Variants in TMEM9B observed in about 807,000 individuals in gnomAD.
TMEM9B encodes the protein TMEM9 domain family member B, also known as transmembrane protein 9B.
TMEM9B carries 8 observed loss-of-function variants against 23.5 expected under a neutral mutation model. The ratio of observed to expected loss-of-function variants is 0.34; its 90% CI spans 0.20 to 0.61. TMEM9B has a LOEUF of 0.61. TMEM9B is among the 20% of genes least tolerant of loss of function. The probability of loss-of-function intolerance (pLI) is 0.78; values close to 1 mark genes in which losing one functional copy is unlikely to be tolerated. For missense variants in TMEM9B, 197 were observed against 252.3 expected, an observed-to-expected ratio of 0.78 and a Z score of 1.49; for synonymous variants, 106 against 96.3, an observed-to-expected ratio of 1.10 and a Z score of -0.59.
intron 1 of TMEM9B, 45 bp downstream of exon 1, chr11:8,964,164 G>C: frequency 6.5e-7 from 1 of 1,538,680 alleles, no homozygotes; most frequent in Non-Finnish European, 8.8e-7. Context: ...AAGGCCGGTG[G>C]TAGGGGAGGA....
intron 1 of TMEM9B, among the ~76,000 whole-genome samples, chr11:8,963,393 TCCC>T (rs1854115126): frequency 1.3e-5 from 2 of 152,184 alleles, no homozygotes; most frequent in Admixed American, 6.5e-5. Flanking sequence ...CCTTCTGTTC[TCCC>T]CCAATGATGA....
chr11:8,955,339 G>A (rs60600376), intron 3 of TMEM9B, among the ~76,000 whole-genome samples: 2 of 152,206 alleles, frequency 1.3e-5, no homozygotes, highest in African/African-American at 2.4e-5. Flanking sequence ...AGGGGTGGTA[G>A]GGGATGGTTT....
chr11:8,948,423 C>A lies in TMEM9B; in HGVS notation c.494G>T (p.Arg165Leu). 6.2e-7 allele frequency: 1 copy of A among 1,614,188 alleles called. No homozygotes were observed. Among genetic ancestry groups the A allele is most frequent in the Non-Finnish European group, 8.5e-7 (1 of 1,180,028 alleles). Reference protein sequence around the residue: ...AHDVLARSRSRANVLNKVEYA... With the variant: ...AHDVLARSRSLANVLNKVEYA... ...TTCTACCTTGTTCAGCACGTTGGCT[C>A]GACTGCGGGAGCGGGCTAGCACATC... The change falls in exon 5 of 5, where the codon CGA becomes CTA. Residue 165 changes from arginine to leucine, a missense_variant. Around this residue, in one of 2 missense-constraint regions of TMEM9B, gnomAD observed 141 missense variants for 214.1 expected, o/e 0.66. Coordinates refer to ENST00000534025, the MANE Select transcript of TMEM9B (RefSeq NM_020644.3).
At chr11:8,964,631 T>C, upstream of TMEM9B, 1 of 415,392 alleles carries the variant, frequency 2.4e-6, no homozygotes, top group East Asian at 6.0e-5. Flanking sequence ...ATCTCTTGGA[T>C]ATCTTTCCCG....
At chr11:8,956,332 C>A in intron 2 of TMEM9B, 34 bp from the exon 3 acceptor site, 1 of 1,587,922 alleles carries the variant, frequency 6.3e-7, no homozygotes. Context: ...TGCTTAAGCC[C>A]AGCTAGCTCT....
upstream of TMEM9B, chr11:8,964,564 G>C (rs558927868): frequency 8.8e-7 from 1 of 1,132,882 alleles, no homozygotes; most frequent in South Asian, 2.0e-5. Context: ...GCCTAGCCCC[G>C]GCCCCGGGAC....
chr11:8,964,278 G>A lies in TMEM9B; in HGVS notation c.36C>T (p.Gly12=). 3 of 1,594,694 alleles carry A rather than the reference G, an allele frequency of 1.9e-6. No homozygotes were observed. Among genetic ancestry groups the A allele is most frequent in the South Asian group, 1.1e-5 (1 of 88,086 alleles). Residue 12 remains glycine, a synonymous_variant, in exon 1 of 5, where the codon GGC becomes GGT. Coordinates refer to ENST00000534025, the MANE Select transcript of TMEM9B (RefSeq NM_020644.3). ...ATLWGGLLRL[G]SLLSLSCLAL... is the part of the protein sequence containing the mutation. ...CCAGGCACGACAGGCTGAGCAAGGA[G>A]CCAAGCCGAAGAAGGCCTCCCCACA...
At chr11:8,956,492 G>A (rs1589946602) in intron 2 of TMEM9B, among the ~76,000 whole-genome samples, 194 bp from the exon 3 acceptor site, 2 of 152,144 alleles carry the variant, frequency 1.3e-5, no homozygotes, top group East Asian at 1.9e-4. Flanking sequence ...AACCATTTAA[G>A]AAGCCACAAA....
intron 1 of TMEM9B, chr11:8,963,944 G>T (rs1339787017): frequency 2.0e-6 from 1 of 496,522 alleles, no homozygotes; most frequent in Middle Eastern, 5.2e-4. Flanking sequence ...TTAAGGCGGT[G>T]GGGGGCTGCT....
chr11:8,963,465 T>C (rs1476072414), intron 1 of TMEM9B, among the ~76,000 whole-genome samples: 3 of 152,310 alleles, frequency 2.0e-5, no homozygotes, highest in Middle Eastern at 3.4e-3. Context: ...TCTGGAGAGC[T>C]GGGGCACCAG....
intron 3 of TMEM9B, among the ~76,000 whole-genome samples, chr11:8,955,204 G>A (rs1853952443): frequency 1.3e-5 from 2 of 150,688 alleles, no homozygotes; most frequent in Admixed American, 1.3e-4. Context: ...TAAAGTAACT[G>A]AACTCATTAG....
At chr11:8,961,175 G>A (rs1273844986) in intron 2 of TMEM9B, among the ~76,000 whole-genome samples, 1 of 152,050 alleles carries the variant, frequency 6.6e-6, no homozygotes, top group Non-Finnish European at 1.5e-5. Flanking sequence ...TGGCATCAGA[G>A]AAACTAAACA....
In TMEM9B at chr11:8,947,397, A is replaced by C. The variant is rs1284267375; in HGVS notation, c.*923T>G. 6.6e-6 allele frequency: 1 copy of C among 152,582 alleles called. No homozygotes were observed. The highest frequency in any genetic ancestry group is 2.4e-5 in the African/African-American group (1 of 41,414). 9.5% of individuals were successfully genotyped at this position (152,582 alleles called of 1,614,324 possible). On this transcript the variant is annotated 3_prime_UTR_variant, in exon 5 of 5. Coordinates refer to ENST00000534025, the MANE Select transcript of TMEM9B (RefSeq NM_020644.3). The stretch of plus-strand genomic sequence containing the variant: ...AGACCTTTCAGAAGAGGCACCCACA[A>C]CCCCAGCCCTAGTTCAAAGCTGCAC...
At chr11:8,958,865 C>T (rs556753660) in intron 2 of TMEM9B, among the ~76,000 whole-genome samples, 2 of 152,258 alleles carry the variant, frequency 1.3e-5, no homozygotes, top group African/African-American at 4.8e-5. Context: ...GTCACCGCAC[C>T]CGGCCCAGGT....
chr11:8,961,384 A>T (rs1399763844), intron 2 of TMEM9B, among the ~76,000 whole-genome samples: 1 of 152,214 alleles, frequency 6.6e-6, no homozygotes, highest in African/African-American at 2.4e-5. Flanking sequence ...ATAAAACATC[A>T]CAATTCTATG....
In TMEM9B at chr11:8,948,484, C is replaced by G. The variant is rs1411672455; in HGVS notation, c.442-9G>C. The G allele has an allele frequency of 6.2e-7, 1 of 1,612,990 alleles. No homozygotes were observed. The highest frequency in any genetic ancestry group is 8.5e-7 in the Non-Finnish European group (1 of 1,179,480). On this transcript the variant is annotated splice_polypyrimidine_tract_variant and intron_variant, in intron 4 of 4. Transcript: ENST00000534025. ...GCAAAAGGCTGGTGATCCTAAAAGT[C>G]CAGGAATGGAGAACATTAGAGATGG...
chr11:8,963,614 G>A (rs1854119588), intron 1 of TMEM9B, among the ~76,000 whole-genome samples: 1 of 152,220 alleles, frequency 6.6e-6, no homozygotes, highest in Non-Finnish European at 1.5e-5. Flanking sequence ...AGGGACTCGT[G>A]GAGGGAGTTA....
chr11:8,950,223 A>G (rs1853850447), intron 4 of TMEM9B, among the ~76,000 whole-genome samples: 1 of 152,202 alleles, frequency 6.6e-6, no homozygotes, highest in African/African-American at 2.4e-5. Flanking sequence ...TCATTTAACA[A>G]ATTAGCATAA....
intron 1 of TMEM9B, chr11:8,962,905 A>G (rs1458949214): frequency 6.6e-6 from 1 of 152,278 alleles, no homozygotes. Context: ...TCTGTTTGAG[A>G]AGGAAGTGGC....
Sources: allele counts gnomAD v4.1 joint callset (sites outside exome capture counted in the v4.1 genomes callset), GRCh38; gene constraint gnomAD v4.1.1; regional missense constraint gnomAD v4.1.1; transcripts MANE v1.5; gene names NCBI Gene and HGNC (gene_info 2026-07-23, HGNC 2026-07-21).